MMP16: variants seen among roughly 807,000 people sequenced by gnomAD.
The protein encoded by MMP16 is matrix metallopeptidase 16, also known as matrix metalloproteinase-16.
A neutral mutation model predicts 67.8 loss-of-function variants in MMP16; 12 were observed. That is an observed-to-expected ratio of 0.18 (90% CI 0.11 to 0.29). MMP16 has a LOEUF of 0.29. Ranked by LOEUF, MMP16 falls within the 10% of genes least tolerant of loss-of-function variation. MMP16 has a pLI of 1.00. For synonymous variants in MMP16, 249 were observed against 255.9 expected, an observed-to-expected ratio of 0.97 and a Z score of 0.26; for missense variants, 475 against 765.7, an observed-to-expected ratio of 0.62 and a Z score of 4.48.
intron 1 of MMP16, among the ~76,000 whole-genome samples, chr8:88,259,840 G>A (rs933799122): frequency 6.6e-6 from 1 of 152,142 alleles, no homozygotes; most frequent in African/African-American, 2.4e-5. Context: ...CCTGCCTCAC[G>A]CATCAATGTC....
chr8:88,303,550 G>A (rs915802408), intron 1 of MMP16, among the ~76,000 whole-genome samples: 2 of 152,158 alleles, frequency 1.3e-5, no homozygotes, highest in Non-Finnish European at 2.9e-5. Flanking sequence ...CCTCCTATAG[G>A]TGCAGTTTAG....
intron 1 of MMP16, among the ~76,000 whole-genome samples, chr8:88,287,850 C>T (rs1462431669): frequency 2.0e-5 from 3 of 152,156 alleles, no homozygotes; most frequent in Non-Finnish European, 2.9e-5. Context: ...CAGATACCAG[C>T]ATTAGCCTTC....
intron 6 of MMP16, among the ~76,000 whole-genome samples, chr8:88,102,808 T>C (rs1056041239): frequency 6.6e-6 from 1 of 151,864 alleles, no homozygotes; most frequent in Non-Finnish European, 1.5e-5. Context: ...TATTTTATAA[T>C]ACCATAGTCC....
At chr8:88,228,546 T>G (rs923166695) in intron 1 of MMP16, among the ~76,000 whole-genome samples, 1 of 152,096 alleles carries the variant, frequency 6.6e-6, no homozygotes, top group African/African-American at 2.4e-5. Context: ...AGTACATTTA[T>G]TATAATAAAA....
chr8:88,051,176 C>T (rs905251327), intron 8 of MMP16, among the ~76,000 whole-genome samples: 1 of 152,114 alleles, frequency 6.6e-6, no homozygotes, highest in East Asian at 1.9e-4. Context: ...CTGAGGCTTA[C>T]TCATAAATAT....
Position 88,034,711 on chromosome 8 carries a change from AT to A in MMP16, c.*6749del. The stretch of plus-strand genomic sequence containing the variant: ...ATCTTAACAATTGGATTGTTAATAT[AT>A]AGAGGAAACAGGTTCAAATTGGCAT... On this transcript the variant is annotated 3_prime_UTR_variant, in exon 10 of 10. Transcript: ENST00000286614. 1 of 152,164 alleles carries A rather than the reference AT, an allele frequency of 6.6e-6. No homozygotes were observed. Among genetic ancestry groups the A allele is most frequent in the Non-Finnish European group, 1.5e-5 (1 of 67,956 alleles). The allele number at this position is 152,164 out of a possible 1,614,324, so 9.4% of individuals were successfully genotyped here.
At chr8:88,177,346 T>A (rs1230694602) in intron 3 of MMP16, among the ~76,000 whole-genome samples, 1 of 152,172 alleles carries the variant, frequency 6.6e-6, no homozygotes, top group Non-Finnish European at 1.5e-5. Context: ...CTCTTCTTCA[T>A]TCCATCAAAA....
chr8:88,179,089 T>C (rs1360372638), intron 3 of MMP16, among the ~76,000 whole-genome samples: 1 of 151,856 alleles, frequency 6.6e-6, no homozygotes, highest in Non-Finnish European at 1.5e-5. Context: ...AACCAAATCA[T>C]AGATCTGGGA....
At chr8:88,050,692 G>A (rs1808258924) in intron 8 of MMP16, among the ~76,000 whole-genome samples, 1 of 152,182 alleles carries the variant, frequency 6.6e-6, no homozygotes, top group African/African-American at 2.4e-5. Context: ...GTGTTTGAAT[G>A]TGGTAGAATT....
intron 4 of MMP16, among the ~76,000 whole-genome samples, chr8:88,137,544 T>A (rs1808141497): frequency 6.6e-6 from 1 of 152,058 alleles, no homozygotes. Context: ...TAACTAGTTT[T>A]ACTATGACAT....
intron 1 of MMP16, among the ~76,000 whole-genome samples, chr8:88,208,372 T>C (rs1809461492): frequency 6.6e-6 from 1 of 152,222 alleles, no homozygotes; most frequent in South Asian, 2.1e-4. Context: ...ATTGGTTCCA[T>C]TTATGCTTTG....
intron 6 of MMP16, among the ~76,000 whole-genome samples, chr8:88,090,847 A>G (rs1176240026): frequency 1.3e-5 from 2 of 151,874 alleles, no homozygotes; most frequent in Non-Finnish European, 2.9e-5. Flanking sequence ...GATCCAATGT[A>G]TAGAAAAATA....
intron 4 of MMP16, among the ~76,000 whole-genome samples, chr8:88,166,603 TG>T (rs1268359461): frequency 7.0e-6 from 1 of 143,480 alleles, no homozygotes; most frequent in East Asian, 2.1e-4. Context: ...TAAGATGTAA[TG>T]AAAATATAAT....
intron 1 of MMP16, among the ~76,000 whole-genome samples, chr8:88,268,912 C>T (rs1043666294): frequency 5.3e-5 from 8 of 152,114 alleles, no homozygotes; most frequent in African/African-American, 1.9e-4. Flanking sequence ...AAGTACTGAA[C>T]ATCAGCCATG....
At chr8:88,223,793 A>G (rs1245304361) in intron 1 of MMP16, among the ~76,000 whole-genome samples, 1 of 151,914 alleles carries the variant, frequency 6.6e-6, no homozygotes, top group Non-Finnish European at 1.5e-5. Flanking sequence ...ATACATATGT[A>G]ACAAACCTGC....
intron 6 of MMP16, among the ~76,000 whole-genome samples, chr8:88,096,709 G>A (rs1399912269): frequency 6.6e-6 from 1 of 151,860 alleles, no homozygotes; most frequent in African/African-American, 2.4e-5. Context: ...TATGGGGACT[G>A]AAGGAATTTG....
chr8:88,240,139 A>T (rs1283892705), intron 1 of MMP16, among the ~76,000 whole-genome samples: 1 of 152,198 alleles, frequency 6.6e-6, no homozygotes, highest in Non-Finnish European at 1.5e-5. Context: ...TTGAATGAGG[A>T]GCACAGGAAA....
rs1385879938 is a variant in MMP16 at position 88,116,574 on chromosome 8, T to C, written c.1016A>G (p.Lys339Arg). The C allele has an allele frequency of 6.2e-7, 1 of 1,613,642 alleles. No individual in the cohort carries two copies. Among genetic ancestry groups the C allele is most frequent in the East Asian group, 2.2e-5 (1 of 44,802 alleles). ...AAAGTTCCCATCACAGATGTTGGGT[T>C]TGGCTCCGGGATAGGAGGGTCTGCC... ...PTGRPSYPGA[K>R]PNICDGNFNT... Residue 339 changes from lysine (K) to arginine (R), a missense_variant, in exon 6 of 10, where the codon AAA becomes AGA. By Grantham distance (26) the Lys-to-Arg change is conservative (BLOSUM62 2). Around this residue, in one of 5 missense-constraint regions of MMP16, gnomAD observed 195 missense variants for 300.9 expected, o/e 0.65. Coordinates refer to ENST00000286614, the MANE Select transcript of MMP16 (RefSeq NM_005941.5).
intron 6 of MMP16, among the ~76,000 whole-genome samples, chr8:88,088,535 C>A (rs1232215789): frequency 1.3e-5 from 2 of 152,012 alleles, no homozygotes; most frequent in Non-Finnish European, 2.9e-5. Flanking sequence ...AATTACAAAG[C>A]AAAACACCCC....
Sources: allele counts gnomAD v4.1 joint callset (sites outside exome capture counted in the v4.1 genomes callset), GRCh38; gene constraint gnomAD v4.1.1; regional missense constraint gnomAD v4.1.1; transcripts MANE v1.5; gene names NCBI Gene and HGNC (gene_info 2026-07-23, HGNC 2026-07-21).